The following FBXW8 variants were observed in gnomAD, a reference collection of about 807,000 sequenced individuals.
The protein encoded by FBXW8 is F-box and WD repeat domain containing 8.
FBXW8 carries 57 observed loss-of-function variants against 65.3 expected under a neutral mutation model. The ratio of observed to expected loss-of-function variants is 0.87; its 90% CI spans 0.71 to 1.09. FBXW8 has a LOEUF of 1.09. FBXW8 is among the 50% of genes least tolerant of loss of function. The probability of loss-of-function intolerance (pLI) is 0.00; values close to 1 mark genes in which losing one functional copy is unlikely to be tolerated. For synonymous variants in FBXW8, 308 were observed against 330.2 expected (o/e 0.93, Z 0.73); for missense variants, 777 against 814.8 (o/e 0.95, Z 0.57).
intron 4 of FBXW8, among the ~76,000 whole-genome samples, chr12:116,957,988 C>T (rs919398079): frequency 6.6e-6 from 1 of 152,046 alleles, no homozygotes; most frequent in African/African-American, 2.4e-5. Context: ...TCTGGTTCTC[C>T]GAGGAATAAT....
At chr12:117,008,376 T>G (rs1953727679) in intron 7 of FBXW8, among the ~76,000 whole-genome samples, 1 of 152,234 alleles carries the variant, frequency 6.6e-6, no homozygotes, top group Non-Finnish European at 1.5e-5. Flanking sequence ...GATAAGAGAT[T>G]TGGTTATTTC....
At chr12:117,021,076 A>G (rs943752317) in intron 8 of FBXW8, among the ~76,000 whole-genome samples, 37 of 152,198 alleles carry the variant, frequency 2.4e-4, no homozygotes, top group African/African-American at 8.2e-4. Flanking sequence ...TGCTCGCCTC[A>G]GCTGTCTAGG....
chr12:116,984,604 A>G (rs1885535164), intron 5 of FBXW8, among the ~76,000 whole-genome samples: 2 of 152,240 alleles, frequency 1.3e-5, no homozygotes, highest in Admixed American at 1.3e-4. Flanking sequence ...CACTGACATG[A>G]TGCTACATGT....
intron 2 of FBXW8, among the ~76,000 whole-genome samples, chr12:116,933,193 C>T (rs898266018): frequency 6.6e-6 from 1 of 152,238 alleles, no homozygotes; most frequent in Non-Finnish European, 1.5e-5. Flanking sequence ...GAGGCCAATT[C>T]CTGGATTTCA....
intron 4 of FBXW8, among the ~76,000 whole-genome samples, chr12:116,957,658 C>G (rs1243684564): frequency 6.6e-6 from 1 of 152,074 alleles, no homozygotes; most frequent in East Asian, 1.9e-4. Flanking sequence ...CCATTTTTCT[C>G]CTTTTTTAAA....
At chr12:116,994,026 A>T (rs1178966053) in intron 7 of FBXW8, among the ~76,000 whole-genome samples, 1 of 152,220 alleles carries the variant, frequency 6.6e-6, no homozygotes, top group African/African-American at 2.4e-5. Flanking sequence ...CCTAAAATTA[A>T]TATGGAACCA....
At chr12:117,018,881 T>C (rs767021361) in intron 8 of FBXW8, among the ~76,000 whole-genome samples, 1 of 152,218 alleles carries the variant, frequency 6.6e-6, no homozygotes, top group Non-Finnish European at 1.5e-5. Context: ...TTATGGAGTA[T>C]AAATATTCAA....
chr12:116,985,134 G>A, intron 5 of FBXW8, 72 bp from the exon 6 acceptor site: 1 of 1,381,004 alleles, frequency 7.2e-7, no homozygotes, highest in South Asian at 1.6e-5. Context: ...CCTTTGTGTT[G>A]CATGTTTTTA....
intron 5 of FBXW8, among the ~76,000 whole-genome samples, chr12:116,969,439 A>C (rs1884522943): frequency 6.6e-6 from 1 of 152,186 alleles, no homozygotes; most frequent in Non-Finnish European, 1.5e-5. Flanking sequence ...TGATATTTAC[A>C]CTAACATTTT....
intron 1 of FBXW8, among the ~76,000 whole-genome samples, chr12:116,915,634 T>C (rs1880344284): frequency 7.5e-6 from 1 of 134,050 alleles, no homozygotes; most frequent in African/African-American, 2.7e-5. Flanking sequence ...ACCACTCACC[T>C]GACTACTTTT....
chr12:116,982,148 T>TA (rs1428993590), intron 5 of FBXW8, among the ~76,000 whole-genome samples: 12 of 152,222 alleles, frequency 7.9e-5, no homozygotes, highest in Non-Finnish European at 1.2e-4. Flanking sequence ...GGGATAAATT[T>TA]AAAAAATTAG....
intron 5 of FBXW8, among the ~76,000 whole-genome samples, chr12:116,965,770 T>C (rs752647598): frequency 2.0e-5 from 3 of 152,140 alleles, no homozygotes; most frequent in Non-Finnish European, 4.4e-5. Flanking sequence ...CATACCTATA[T>C]ATATTTGAGA....
intron 7 of FBXW8, among the ~76,000 whole-genome samples, chr12:117,003,827 TTCTC>T (rs2135701024): frequency 6.6e-6 from 1 of 152,342 alleles, no homozygotes; most frequent in Admixed American, 6.5e-5. Flanking sequence ...TTTTAGGACT[TTCTC>T]TCCTTTTGAC....
rs182280053 is a variant in FBXW8 at position 116,920,720 on chromosome 12, A to G, written c.319-7303A>G. 2.7e-3 allele frequency among the ~76,000 whole-genome samples: 415 copies of G among 152,320 alleles called. 1 individual carries two copies. The highest frequency in any genetic ancestry group is 8.3e-3 in the African/African-American group (346 of 41,562). ...TCTGTGGTGACCAGGACCCGCACTT[A>G]GTTTAATGCTCTGTTGCCTTGATCA... On this transcript the variant is annotated intron_variant, in intron 1 of 10. Transcript: ENST00000652555.
rs1478135825 is a variant in FBXW8, at chr12:116,961,316, A to G, written c.678-3381A>G. On this transcript the variant is annotated intron_variant, in intron 4 of 10. Transcript: ENST00000652555. This position sits in a 1 kb window ranked among gnomAD's most constrained non-coding sequence, Gnocchi z 4.4. ...GCCCGGCCTGTATCTGCACTTTTTA[A>G]AGCATTCCAGGCAAATTTAATGTGC... Among the ~76,000 whole-genome samples, 3 of 152,142 alleles carry G rather than the reference A, an allele frequency of 2.0e-5. No homozygotes were observed. Among genetic ancestry groups the G allele is most frequent in the Admixed American group, 6.5e-5 (1 of 15,278 alleles).
chr12:116,922,910 G>A (rs1379531686), intron 1 of FBXW8, among the ~76,000 whole-genome samples: 3 of 151,982 alleles, frequency 2.0e-5, no homozygotes, highest in Admixed American at 6.6e-5. Context: ...CATGAGGATC[G>A]CCTGAGAAAG....
chr12:116,910,991 G>T lies in FBXW8; in HGVS notation c.-47G>T. On this transcript the variant is annotated 5_prime_UTR_variant, in exon 1 of 11. Coordinates refer to ENST00000652555, the MANE Select transcript of FBXW8 (RefSeq NM_153348.3). Reference sequence around the variant, plus strand: ...CTTCCCTGGGCGGGACTGTCTCGTGGCACCCGGTGGAACCGAGGAGAACGT... The same window carrying T: ...CTTCCCTGGGCGGGACTGTCTCGTGTCACCCGGTGGAACCGAGGAGAACGT... 1 of 1,344,714 alleles carries T rather than the reference G, an allele frequency of 7.4e-7. No homozygotes were observed. The highest frequency in any genetic ancestry group is 9.5e-7 in the Non-Finnish European group (1 of 1,052,564). The allele number at this position is 1,344,714 out of a possible 1,614,324, so 83.3% of individuals were successfully genotyped here.
rs1883149535 is a variant in FBXW8, at chr12:116,949,689, T to C, written c.660T>C (p.Asp220=). 1 of 1,614,214 alleles carries C rather than the reference T, an allele frequency of 6.2e-7. No individual in the cohort carries two copies. Among genetic ancestry groups the C allele is most frequent in the South Asian group, 1.1e-5 (1 of 91,076 alleles). Residue 220 remains aspartate (D), a synonymous_variant, in exon 4 of 11, where the codon GAT becomes GAC. Coordinates refer to ENST00000652555, the MANE Select transcript of FBXW8 (RefSeq NM_153348.3). ...DTVLCDVHSH[D]GVVIAGYTSG... ...TTTTGTGTGATGTGCATTCTCACGA[T>C]GGTGTGGTCATTGCGGGGTAAGCCA... is the stretch of plus-strand genomic sequence containing the variant.
intron 2 of FBXW8, among the ~76,000 whole-genome samples, chr12:116,941,977 C>G (rs1882598707): frequency 1.3e-5 from 2 of 152,068 alleles, no homozygotes; most frequent in Non-Finnish European, 1.5e-5. Context: ...TGGGTCATAT[C>G]CCACAGGCCT....
Sources: gnomAD v4.1 joint callset for allele counts (sites outside exome capture counted in the v4.1 genomes callset) on GRCh38, gnomAD v4.1.1 for gene constraint, Gnocchi (gnomAD v3.1) non-coding constraint, MANE v1.5 for transcripts, NCBI Gene and HGNC (gene_info 2026-07-23, HGNC 2026-07-21) for gene names.